Variants in DAB1 observed in about 807,000 individuals in gnomAD.
The protein encoded by DAB1 is DAB adaptor protein 1, also known as disabled homolog 1.
Under a neutral mutation model 64.6 loss-of-function variants are expected in DAB1, and 15 were observed. The ratio of observed to expected loss-of-function variants is 0.23; its 90% CI spans 0.16 to 0.36. The LOEUF is 0.36. DAB1 is among the 10% of genes least tolerant of loss of function. DAB1 has a pLI of 1.00. For synonymous variants in DAB1, 235 were observed against 251.9 expected, an observed-to-expected ratio of 0.93 and a Z score of 0.64; for missense variants, 596 against 706.7, an observed-to-expected ratio of 0.84 and a Z score of 1.78.
chr1:57,291,286 C>T (rs1335209978), intron 1 of DAB1, 120 bp from the exon 2 acceptor site: 6 of 331,324 alleles, frequency 1.8e-5, no homozygotes, highest in Admixed American at 4.8e-5. Flanking sequence ...GCAAAAACTG[C>T]TCCCATGGTT....
chr1:58,036,939 A>T (rs1277701605), intron 5 of DAB1, among the ~76,000 whole-genome samples: 2 of 152,122 alleles, frequency 1.3e-5, no homozygotes, highest in African/African-American at 2.4e-5. Flanking sequence ...TGGTTAAGGG[A>T]TCAATCATTA....
At chr1:58,293,955 A>G (rs902842189) in intron 4 of DAB1, among the ~76,000 whole-genome samples, 1 of 152,196 alleles carries the variant, frequency 6.6e-6, no homozygotes, top group Non-Finnish European at 1.5e-5. Flanking sequence ...CTCTGACAGC[A>G]CATTTTGATG....
intron 5 of DAB1, among the ~76,000 whole-genome samples, chr1:57,985,715 G>T (rs1646199612): frequency 1.3e-5 from 2 of 152,074 alleles, no homozygotes; most frequent in Non-Finnish European, 2.9e-5. Context: ...GAAGAAGGAA[G>T]AGTCAAAGTG....
At chr1:58,423,251 A>G (rs1644789738) in intron 3 of DAB1, among the ~76,000 whole-genome samples, 1 of 152,190 alleles carries the variant, frequency 6.6e-6, no homozygotes, top group African/African-American at 2.4e-5. Context: ...CATTCCCTTG[A>G]CTACATCCCA....
intron 7 of DAB1, among the ~76,000 whole-genome samples, chr1:57,459,636 T>C (rs983403713): frequency 2.0e-5 from 3 of 152,160 alleles, no homozygotes; most frequent in Non-Finnish European, 4.4e-5. Flanking sequence ...GAGATCACCA[T>C]CTAGCAAAAC....
chr1:58,212,332 C>T (rs767318999), intron 4 of DAB1, among the ~76,000 whole-genome samples: 1 of 152,138 alleles, frequency 6.6e-6, no homozygotes, highest in Non-Finnish European at 1.5e-5. Flanking sequence ...CATGATTATA[C>T]CCATCTTACA....
At chr1:58,048,349 CA>C (rs1290092024) in intron 5 of DAB1, 2 of 1,010,292 alleles carry the variant, frequency 2.0e-6, no homozygotes, top group African/African-American at 1.6e-5. Context: ...TTTAATTGCC[CA>C]AATCACTGTA....
chr1:57,735,884 A>G (rs748094053), intron 6 of DAB1, among the ~76,000 whole-genome samples: 4 of 152,058 alleles, frequency 2.6e-5, no homozygotes, highest in Non-Finnish European at 5.9e-5. Flanking sequence ...TGGGCCCGGG[A>G]TTAATGCACT....
chr1:57,160,369 G>T (rs1291226067), intron 2 of DAB1, among the ~76,000 whole-genome samples: 1 of 152,098 alleles, frequency 6.6e-6, no homozygotes, highest in Non-Finnish European at 1.5e-5. Flanking sequence ...ATAAAGACTG[G>T]CCCAAGTTCA....
intron 4 of DAB1, among the ~76,000 whole-genome samples, chr1:58,247,136 G>T (rs1230771519): frequency 6.6e-6 from 1 of 152,132 alleles, no homozygotes; most frequent in Non-Finnish European, 1.5e-5. Flanking sequence ...GAGCTGGGAG[G>T]CTCTGAGGAT....
At chr1:57,353,198 C>A (rs1310417050) in intron 1 of DAB1, among the ~76,000 whole-genome samples, 1 of 151,604 alleles carries the variant, frequency 6.6e-6, no homozygotes, top group Non-Finnish European at 1.5e-5. Context: ...ATACATAGCA[C>A]TTTTCAGTTT....
intron 10 of DAB1, among the ~76,000 whole-genome samples, chr1:57,024,878 T>C (rs565434433): frequency 6.6e-6 from 1 of 152,342 alleles, no homozygotes; most frequent in South Asian, 2.1e-4. Flanking sequence ...TCCAGCTTCT[T>C]TGGGGACAGA....
intron 4 of DAB1, among the ~76,000 whole-genome samples, chr1:58,225,576 T>G: frequency 6.6e-6 from 1 of 151,882 alleles, no homozygotes; most frequent in East Asian, 1.9e-4. Flanking sequence ...TGTCCAACAA[T>G]GATAGACTGG....
At chr1:57,714,959 A>T (rs943063574) in intron 6 of DAB1, among the ~76,000 whole-genome samples, 2 of 152,214 alleles carry the variant, frequency 1.3e-5, no homozygotes, top group African/African-American at 4.8e-5. Context: ...TACCAAAATC[A>T]GACAAGGACA....
intron 1 of DAB1, among the ~76,000 whole-genome samples, chr1:57,380,797 G>A (rs904440853): frequency 1.3e-5 from 2 of 152,188 alleles, no homozygotes; most frequent in African/African-American, 4.8e-5. Flanking sequence ...CATGCAGGCT[G>A]TACAGGAGCT....
chr1:58,294,860 C>T (rs1661930814), intron 4 of DAB1, among the ~76,000 whole-genome samples: 1 of 66,896 alleles, frequency 1.5e-5, no homozygotes. Context: ...ATGCTTGGTC[C>T]AGAACGTGTG....
At chr1:57,187,851 G>A (rs1429361165) in intron 2 of DAB1, among the ~76,000 whole-genome samples, 1 of 151,818 alleles carries the variant, frequency 6.6e-6, no homozygotes, top group Non-Finnish European at 1.5e-5. Flanking sequence ...GAGAGAGAGA[G>A]ACTCCCACAA....
At chr1:58,405,382 A>C (rs1016216024) in intron 3 of DAB1, among the ~76,000 whole-genome samples, 3 of 148,290 alleles carry the variant, frequency 2.0e-5, no homozygotes, top group Admixed American at 1.3e-4. Context: ...TGTTTGTTTA[A>C]TTTTTTTTTT....
intron 1 of DAB1, among the ~76,000 whole-genome samples, chr1:57,847,188 C>T (rs1009182570): frequency 3.9e-5 from 6 of 152,016 alleles, no homozygotes; most frequent in Admixed American, 3.3e-4. Context: ...CCTACCATTA[C>T]ACTTCTGTCA....
Sources: gnomAD v4.1 joint callset for allele counts (sites outside exome capture counted in the v4.1 genomes callset) on GRCh38, gnomAD v4.1.1 for gene constraint, MANE v1.5 for transcripts, NCBI Gene and HGNC (gene_info 2026-07-23, HGNC 2026-07-21) for gene names.